The following FNBP1 variants were observed in gnomAD, a reference collection of about 807,000 sequenced individuals.
FNBP1 encodes formin-binding protein 1.
Under a neutral mutation model 90.6 loss-of-function variants are expected in FNBP1, and 26 were observed. That is an observed-to-expected ratio of 0.29 (90% CI 0.21 to 0.40). The LOEUF is 0.40. FNBP1 is among the 10% of genes least tolerant of loss of function. The probability of loss-of-function intolerance (pLI) is 1.00; values close to 1 mark genes in which losing one functional copy is unlikely to be tolerated. For synonymous variants in FNBP1, 260 were observed against 265.2 expected, an observed-to-expected ratio of 0.98 and a Z score of 0.19; for missense variants, 635 against 768.0, an observed-to-expected ratio of 0.83 and a Z score of 2.05.
rs1427778029 is a variant in FNBP1 at position 129,914,755 on chromosome 9, GTCTATATATATATATATATA to G, written c.1185+1191_1185+1210del. 3.2e-3 allele frequency among the ~76,000 whole-genome samples: 319 copies of G among 98,436 alleles called. 12 individuals carry two copies. The highest frequency in any genetic ancestry group is 8.4e-3 in the African/African-American group (243 of 28,934). The allele number at this position is 98,436 out of a possible 152,430, so 64.6% of individuals were successfully genotyped here. A position where few individuals can be genotyped will look rare whatever the true frequency, so the allele number is the denominator to read the frequency against. On this transcript the variant is annotated intron_variant, in intron 11 of 16. Coordinates refer to ENST00000446176, the MANE Select transcript of FNBP1 (RefSeq NM_015033.3). The stretch of plus-strand genomic sequence containing the variant: ...AAAAATTATGTATATACATACATAT[GTCTATATATATATATATATA>G]TATATATATATATATATATCTCACC...
At position 130,014,133 on chromosome 9, in the gene FNBP1, C is replaced by A. The variant is rs1332203831; in HGVS notation, c.25-19175G>T. On this transcript the variant is annotated intron_variant, in intron 1 of 16. Coordinates refer to ENST00000446176, the MANE Select transcript of FNBP1 (RefSeq NM_015033.3). ...AACTGTAAAAATAACAGAATATGTT[C>A]AATGCAAAATTCTGAACACTCAAAT... is the stretch of plus-strand genomic sequence containing the variant. 20 of 449,728 alleles carry A rather than the reference C, an allele frequency of 4.4e-5. No homozygotes were observed. In the East Asian group the frequency reaches 1.3e-3, roughly 28 times the overall value. 27.9% of individuals were successfully genotyped at this position (449,728 alleles called of 1,614,324 possible). A position where few individuals can be genotyped will look rare whatever the true frequency, so the allele number is the denominator to read the frequency against.
chr9:129,926,990 TTC>T (rs1167378663), intron 8 of FNBP1, among the ~76,000 whole-genome samples: 1 of 152,074 alleles, frequency 6.6e-6, no homozygotes, highest in Non-Finnish European at 1.5e-5. Flanking sequence ...TTCAATTCAA[TTC>T]TGTCATGTCT....
Position 129,957,158 on chromosome 9 carries a change from C to A in FNBP1, c.513+202G>T, listed in dbSNP as rs1484869669. ...GCTCAAGCGATTCTCCTGCCTCAGCCTCCCTAGTAGTTGGGATTATAGGTG... is the reference window on the plus strand; with the variant it reads ...GCTCAAGCGATTCTCCTGCCTCAGCATCCCTAGTAGTTGGGATTATAGGTG... On this transcript the variant is annotated intron_variant, in intron 6 of 16. Coordinates refer to ENST00000446176, the MANE Select transcript of FNBP1 (RefSeq NM_015033.3). This position sits in a 1 kb window ranked among gnomAD's most constrained non-coding sequence, Gnocchi z 4.3. Among the ~76,000 whole-genome samples, 3 of 151,870 alleles carry A rather than the reference C, an allele frequency of 2.0e-5. No individual in the cohort carries two copies. Among genetic ancestry groups the A allele is most frequent in the Admixed American group, 6.6e-5 (1 of 15,238 alleles).
intron 1 of FNBP1, among the ~76,000 whole-genome samples, chr9:130,024,334 T>C (rs559196931): frequency 2.1e-4 from 32 of 151,954 alleles, no homozygotes; most frequent in South Asian, 4.2e-4. Flanking sequence ...ACCTGAGTCT[T>C]AGCTACTGGG....
At chr9:129,906,359 C>A (rs559398032) in intron 12 of FNBP1, among the ~76,000 whole-genome samples, 1 of 152,190 alleles carries the variant, frequency 6.6e-6, no homozygotes, top group East Asian at 1.9e-4. Context: ...TTTAGCTGTG[C>A]CCTGGCCCAA....
intron 4 of FNBP1, among the ~76,000 whole-genome samples, chr9:129,974,222 C>A (rs910749252): frequency 6.6e-6 from 1 of 152,068 alleles, no homozygotes; most frequent in African/African-American, 2.4e-5. Context: ...GGAAAAAAAA[C>A]CATGCCTACA....
rs996535914 is a variant in FNBP1 at position 130,042,757 on chromosome 9, C to G, written c.24+195G>C. The stretch of plus-strand genomic sequence containing the variant: ...ACCAACTCCCCTCGCCTCCGAAGGA[C>G]AAGCCGGCCCGCACCTCCTGCTCGG... On this transcript the variant is annotated intron_variant, in intron 1 of 16. Transcript: ENST00000446176. This position sits in a 1 kb window ranked among gnomAD's most constrained non-coding sequence, Gnocchi z 5.5. 1.3e-5 allele frequency among the ~76,000 whole-genome samples: 2 copies of G among 151,778 alleles called. No individual in the cohort carries two copies. The highest frequency in any genetic ancestry group is 6.6e-5 in the Admixed American group (1 of 15,232).
At chr9:129,923,236 G>A (rs1325460812) in intron 10 of FNBP1, among the ~76,000 whole-genome samples, 1 of 151,750 alleles carries the variant, frequency 6.6e-6, no homozygotes, top group Non-Finnish European at 1.5e-5. Context: ...TGCATGACTT[G>A]GATGCTTTAA....
At chr9:129,910,270 C>T (rs754667211) in intron 11 of FNBP1, 1 of 445,984 alleles carries the variant, frequency 2.2e-6, no homozygotes, top group Non-Finnish European at 4.5e-6. Context: ...ATCATAAGGT[C>T]AGGAGTTTGA....
chr9:129,971,596 G>A (rs908697700), intron 4 of FNBP1, among the ~76,000 whole-genome samples: 4 of 152,188 alleles, frequency 2.6e-5, no homozygotes, highest in South Asian at 2.1e-4. Flanking sequence ...TCACCATGTC[G>A]GCCAGGCTGG....
At chr9:129,898,868 T>G (rs1417209530) in intron 15 of FNBP1, among the ~76,000 whole-genome samples, 1 of 151,820 alleles carries the variant, frequency 6.6e-6, no homozygotes, top group Non-Finnish European at 1.5e-5. Context: ...CCCCACTTCA[T>G]GGGCCTTTAC....
intron 4 of FNBP1, among the ~76,000 whole-genome samples, chr9:129,968,627 T>C (rs1256950786): frequency 2.6e-5 from 4 of 152,186 alleles, no homozygotes; most frequent in Admixed American, 6.5e-5. Flanking sequence ...ATTGAATATC[T>C]AACTTTGAAA....
rs893579588 is a variant in FNBP1, at chr9:129,887,284, C to G, written c.*3255G>C. On this transcript the variant is annotated 3_prime_UTR_variant, in exon 17 of 17. Coordinates refer to ENST00000446176, the MANE Select transcript of FNBP1 (RefSeq NM_015033.3). ...TCTTTATTTGGTTTAATTCCATCTC[C>G]AGAGACAAACAGGCAACTCTAGGAC... 1 of 192,532 alleles carries G rather than the reference C, an allele frequency of 5.2e-6. No individual in the cohort carries two copies. The highest frequency in any genetic ancestry group is 8.2e-5 in the East Asian group (1 of 12,256). The allele number at this position is 192,532 out of a possible 1,614,324, so 11.9% of individuals were successfully genotyped here.
intron 2 of FNBP1, among the ~76,000 whole-genome samples, chr9:129,987,163 A>G (rs2052406792): frequency 6.6e-6 from 1 of 152,090 alleles, no homozygotes; most frequent in South Asian, 2.1e-4. Flanking sequence ...GTGTGACCAG[A>G]GACAACCAAG....
At chr9:130,029,753 G>A (rs561144159) in intron 1 of FNBP1, among the ~76,000 whole-genome samples, 22 of 152,196 alleles carry the variant, frequency 1.4e-4, no homozygotes, top group East Asian at 9.7e-4. Flanking sequence ...GGAGGCCAAG[G>A]CAGGGGGATC....
At chr9:129,903,038 C>G (rs1322551713) in intron 12 of FNBP1, 37 bp from the exon 13 acceptor site, 1 of 1,541,134 alleles carries the variant, frequency 6.5e-7, no homozygotes, top group Non-Finnish European at 8.8e-7. Context: ...GTAAAGGTTA[C>G]TCCATTTTTT....
Position 129,927,299 on chromosome 9 carries a change from C to G in FNBP1, c.685G>C (p.Glu229Gln). The G allele has an allele frequency of 1.2e-6, 2 of 1,613,120 alleles. No individual in the cohort carries two copies. The highest frequency in any genetic ancestry group is 1.7e-6 in the Non-Finnish European group (2 of 1,179,332). Residue 229 changes from glutamate (E) to glutamine (Q), a missense_variant, in exon 8 of 17, where the codon GAG (glutamate) becomes CAG (glutamine). Glu to Gln is a conservative substitution (Grantham distance 29). Transcript: ENST00000446176. ...ACCTCTGCATATGTCTTCATGGACT[C>G]TCCCATTCTCACAATCCTCCTTTCC... ...MEERRIVRMGESMKTYAEVDR... is the reference protein window; with the variant it reads ...MEERRIVRMGQSMKTYAEVDR...
In FNBP1 at chr9:129,934,945, C is replaced by T. The variant is rs368993473; in HGVS notation, c.514-5250G>A. 5.9e-5 allele frequency among the ~76,000 whole-genome samples: 9 copies of T among 152,116 alleles called. No homozygotes were observed. The East Asian group carries it at 1.2e-3, about 20-fold the overall frequency. On this transcript the variant is annotated intron_variant, in intron 6 of 16. Transcript: ENST00000446176. ...TCATTATGGAACTAAGCCATACTGC[C>T]TAAAAGGTCAGAGTTGCAGTTTCTA...
At chr9:129,965,821 A>AAGGG (rs2048546866) in intron 4 of FNBP1, among the ~76,000 whole-genome samples, 1 of 144,460 alleles carries the variant, frequency 6.9e-6, no homozygotes, top group African/African-American at 2.6e-5. Flanking sequence ...GGGAGGGAGG[A>AAGGG]AGGAAGGAAG....
Sources: allele counts gnomAD v4.1 joint callset (sites outside exome capture counted in the v4.1 genomes callset), GRCh38; gene constraint gnomAD v4.1.1; non-coding constraint Gnocchi (gnomAD v3.1); transcripts MANE v1.5; gene names NCBI Gene and HGNC (gene_info 2026-07-23, HGNC 2026-07-21).